REPS2: variants seen among roughly 807,000 people sequenced by gnomAD.
REPS2 encodes ralBP1-associated Eps domain-containing protein 2.
In REPS2, 23 loss-of-function variants were observed where a neutral mutation model predicts 53.6. The ratio of observed to expected loss-of-function variants is 0.43; its 90% CI spans 0.31 to 0.61. The LOEUF is 0.61. Among genes scored for constraint, REPS2 ranks in the 20% least tolerant of loss-of-function variants. REPS2 has a pLI of 0.11. For missense variants in REPS2, 446 were observed against 534.9 expected, an observed-to-expected ratio of 0.83 and a Z score of 1.64; for synonymous variants, 238 against 218.6, an observed-to-expected ratio of 1.09 and a Z score of -0.78.
chrX:17,010,755 C>T (rs1198310075), intron 2 of REPS2, among the ~76,000 whole-genome samples: 2 of 111,353 alleles, frequency 1.8e-5, no homozygotes, highest in African/African-American at 6.5e-5. Flanking sequence ...TAATCTAAAA[C>T]GATTGGAATT....
At chrX:16,985,063 T>C (rs897034001) in intron 1 of REPS2, among the ~76,000 whole-genome samples, 3 of 111,960 alleles carry the variant, frequency 2.7e-5, no homozygotes, top group African/African-American at 9.7e-5. Flanking sequence ...TTTGAGTGGC[T>C]CTTAGAAAGG....
intron 17 of REPS2, among the ~76,000 whole-genome samples, chrX:17,146,326 A>G (rs1449028554): frequency 9.1e-6 from 1 of 110,012 alleles, no homozygotes; most frequent in Non-Finnish European, 1.9e-5. Context: ...GGGCCTTTGC[A>G]GTTGCCCTTT....
intron 15 of REPS2, among the ~76,000 whole-genome samples, chrX:17,134,501 A>G (rs921411182): frequency 1.8e-5 from 2 of 112,014 alleles, no homozygotes; most frequent in African/African-American, 6.5e-5. Flanking sequence ...AAGCAGACCA[A>G]CTGTGTCCTT....
the REPS2 span, among the ~76,000 whole-genome samples, chrX:17,160,381 A>G: frequency 5.3e-5 from 6 of 112,576 alleles, no homozygotes; most frequent in Non-Finnish European, 1.1e-4. Context: ...CTCACAATCA[A>G]ACCAGGGGGT....
At chrX:17,060,303 A>AAAAAT (rs766088723) in intron 8 of REPS2, among the ~76,000 whole-genome samples, 1 of 111,351 alleles carries the variant, frequency 9.0e-6, no homozygotes, top group East Asian at 2.8e-4. Flanking sequence ...ATTCCATTTC[A>AAAAAT]AAAATAAAAT....
At chrX:17,053,939 T>A (rs1452284365) in intron 7 of REPS2, among the ~76,000 whole-genome samples, 2 of 112,322 alleles carry the variant, frequency 1.8e-5, no homozygotes, top group Non-Finnish European at 3.8e-5. Context: ...ATATATTTTC[T>A]TTCAAATAGT....
intron 13 of REPS2, among the ~76,000 whole-genome samples, chrX:17,089,427 G>C (rs1450098215): frequency 9.0e-6 from 1 of 111,349 alleles, no homozygotes; most frequent in Non-Finnish European, 1.9e-5. Context: ...CATTTTAAGT[G>C]TAAAATTTAA....
chrX:17,148,839 C>G lies in REPS2; in HGVS notation c.*1358C>G. On this transcript the variant is annotated 3_prime_UTR_variant, in exon 18 of 18. Coordinates refer to ENST00000357277, the MANE Select transcript of REPS2 (RefSeq NM_004726.3). The stretch of plus-strand genomic sequence containing the variant: ...GTCTCTTGTGCATTTTACTAATTTC[C>G]CCATTCTTAGGGTAGCAGGGTGGGG... The G allele has an allele frequency of 3.0e-6, 1 of 335,458 alleles. No homozygotes were observed. Among genetic ancestry groups the G allele is most frequent in the South Asian group, 2.8e-5 (1 of 36,035 alleles). 27.6% of individuals were successfully genotyped at this position (335,458 alleles called of 1,213,427 possible). A position where few individuals can be genotyped will look rare whatever the true frequency, so the allele number is the denominator to read the frequency against.
At chrX:16,982,674 C>A (rs1465409579) in intron 1 of REPS2, among the ~76,000 whole-genome samples, 1 of 111,946 alleles carries the variant, frequency 8.9e-6, no homozygotes, top group East Asian at 2.8e-4. Flanking sequence ...ACTTTGGCCA[C>A]GGATTTGCTT....
At chrX:16,981,829 A>G (rs1411029595) in intron 1 of REPS2, among the ~76,000 whole-genome samples, 11 of 112,467 alleles carry the variant, frequency 9.8e-5, no homozygotes, top group Admixed American at 5.7e-4. Context: ...CACACACCAT[A>G]TAAGTCACAC....
intron 1 of REPS2, among the ~76,000 whole-genome samples, chrX:16,962,276 T>TACACAC (rs61520216): frequency 0.012 from 1,021 of 81,837 alleles, 8 homozygotes; most frequent in East Asian, 0.026. Flanking sequence ...TATCGTGGGA[T>TACACAC]ACACACACAC....
chrX:17,127,916 A>G (rs919168626), intron 14 of REPS2, among the ~76,000 whole-genome samples: 1 of 111,632 alleles, frequency 9.0e-6, no homozygotes, highest in Non-Finnish European at 1.9e-5. Context: ...AAGATGGCTC[A>G]CTCACAGGGC....
At chrX:17,062,587 G>GTAAAGA in intron 9 of REPS2, 55 bp downstream of exon 9, 1 of 868,930 alleles carries the variant, frequency 1.2e-6, no homozygotes, top group Non-Finnish European at 1.6e-6. Context: ...TAAATCCATT[G>GTAAAGA]GCCTATGTTC....
At chrX:17,112,667 G>A (rs765727293) in intron 14 of REPS2, among the ~76,000 whole-genome samples, 4 of 111,664 alleles carry the variant, frequency 3.6e-5, no homozygotes, top group African/African-American at 1.3e-4. Flanking sequence ...TGAGATGAGC[G>A]AAAACAAAAT....
chrX:17,072,320 G>A (rs759384996), intron 11 of REPS2, among the ~76,000 whole-genome samples: 24 of 112,353 alleles, frequency 2.1e-4, no homozygotes, highest in Non-Finnish European at 3.8e-4. Flanking sequence ...GAAAGAAACT[G>A]CATTTTTATT....
chrX:16,990,890 T>TA (rs1451930078), intron 1 of REPS2, among the ~76,000 whole-genome samples: 2 of 111,236 alleles, frequency 1.8e-5, no homozygotes, highest in Non-Finnish European at 3.8e-5. Context: ...CCCCAGGATC[T>TA]AAAAAGATCA....
At chrX:17,123,345 A>T (rs1402492501) in intron 14 of REPS2, among the ~76,000 whole-genome samples, 1 of 112,651 alleles carries the variant, frequency 8.9e-6, no homozygotes, top group Non-Finnish European at 1.9e-5. Flanking sequence ...CATTACTAGA[A>T]ATTGGACATA....
At chrX:17,099,950 TC>T in intron 13 of REPS2, 1 of 1,152,751 alleles carries the variant, frequency 8.7e-7, no homozygotes, top group Non-Finnish European at 1.2e-6. Context: ...AGTCTGTAGC[TC>T]CAATAATCTG....
In REPS2 at chrX:17,148,501, A is replaced by G. The variant is rs2063537679; in HGVS notation, c.*1020A>G. The G allele has an allele frequency of 8.9e-6, 1 of 112,433 alleles. No homozygotes were observed. Among genetic ancestry groups the G allele is most frequent in the African/African-American group, 3.2e-5 (1 of 30,822 alleles). The allele number at this position is 112,433 out of a possible 1,213,427, so 9.3% of individuals were successfully genotyped here. A position where few individuals can be genotyped will look rare whatever the true frequency, so the allele number is the denominator to read the frequency against. On this transcript the variant is annotated 3_prime_UTR_variant, in exon 18 of 18. Coordinates refer to ENST00000357277, the MANE Select transcript of REPS2 (RefSeq NM_004726.3). ...TTATTTTAACCTGGATTGCAAATGT[A>G]TGGGGTATGAGGAGATAATGAAAGA...
Sources: allele counts gnomAD v4.1 joint callset (sites outside exome capture counted in the v4.1 genomes callset), GRCh38; gene constraint gnomAD v4.1.1; transcripts MANE v1.5; gene names NCBI Gene and HGNC (gene_info 2026-07-23, HGNC 2026-07-21).